Variants in KLHL3 observed in about 807,000 individuals in gnomAD.
KLHL3 encodes kelch-like protein 3.
A neutral mutation model predicts 70.5 loss-of-function variants in KLHL3; 19 were observed. That is an observed-to-expected ratio of 0.27 (90% confidence interval 0.19 to 0.40). The LOEUF (loss-of-function observed/expected upper bound fraction) is 0.40. KLHL3 is among the 10% of genes least tolerant of loss of function. The probability of loss-of-function intolerance (pLI) is 1.00; values close to 1 mark genes in which losing one functional copy is unlikely to be tolerated. For missense variants in KLHL3, 512 were observed against 771.1 expected (o/e 0.66, Z 3.98); for synonymous variants, 258 against 290.3 (o/e 0.89, Z 1.13).
chr5:137,670,073 G>A lies in KLHL3; in HGVS notation c.636+7472C>T, dbSNP rs1233311421. 3.3e-5 allele frequency among the ~76,000 whole-genome samples: 5 copies of A among 152,316 alleles called. No individual in the cohort carries two copies. The East Asian group carries it at 7.7e-4, about 24-fold the overall frequency. ...CGCCATCTCCTGTGGGCTGAGGAAC[G>A]CAGTGGCGTGGGAGGCAAGGGAGAA... On this transcript the variant is annotated intron_variant, in intron 6 of 14. Coordinates refer to ENST00000309755, the MANE Select transcript of KLHL3 (RefSeq NM_017415.3).
intron 13 of KLHL3, 64 bp downstream of exon 13, chr5:137,628,231 AGC>A: frequency 6.4e-7 from 1 of 1,573,320 alleles, no homozygotes; most frequent in Non-Finnish European, 8.7e-7. Context: ...TGCTGTTTAG[AGC>A]CAGTGTCTTC....
At chr5:137,674,585 CTG>C (rs1174158589) in intron 6 of KLHL3, among the ~76,000 whole-genome samples, 1 of 152,158 alleles carries the variant, frequency 6.6e-6, no homozygotes, top group Non-Finnish European at 1.5e-5. Flanking sequence ...TCAAAGAAAT[CTG>C]TGGGCTGCAT....
Position 137,628,311 on chromosome 5 carries a change from CA to C in KLHL3, c.1576del (p.Cys526AlafsTer10). 6.2e-7 allele frequency: 1 copy of C among 1,614,128 alleles called. No homozygotes were observed. Among genetic ancestry groups the C allele is most frequent in the Non-Finnish European group, 8.5e-7 (1 of 1,180,008 alleles). The stretch of plus-strand genomic sequence containing the variant: ...GCAGTCATTACCTGCGTTGCGCCGG[CA>C]CATGTTCATGTCTGCCACTTGCTTC... Reference protein sequence around the residue: ...TWKQVADMNMCRRNAGVCAVN... With the variant: ...TWKQVADMNMXRRNAGVCAVN... On this transcript the variant is annotated frameshift_variant, in exon 13 of 15. Coordinates refer to ENST00000309755, the MANE Select transcript of KLHL3 (RefSeq NM_017415.3). LOFTEE classifies it high-confidence loss of function.
rs551877188 is a variant in KLHL3, at chr5:137,640,738, C to CG, written c.904-762_904-761insC. 2.6e-4 allele frequency among the ~76,000 whole-genome samples: 40 copies of CG among 152,110 alleles called. No individual in the cohort carries two copies. In the East Asian group the frequency reaches 6.4e-3, roughly 24 times the overall value. On this transcript the variant is annotated intron_variant, in intron 8 of 14. Coordinates refer to ENST00000309755, the MANE Select transcript of KLHL3 (RefSeq NM_017415.3). ...GACAGAGGGTGAGGCCAGCCACCCC[C>CG]CCCAACTCCTGCTCTAGAGACAGGA...
At chr5:137,635,231 T>C (rs1750738450) in intron 11 of KLHL3, among the ~76,000 whole-genome samples, 1 of 152,238 alleles carries the variant, frequency 6.6e-6, no homozygotes, top group Non-Finnish European at 1.5e-5. Flanking sequence ...ATGTTTTTCT[T>C]CTATCATCAT....
At chr5:137,731,142 T>C (rs1443336602) in intron 1 of KLHL3, among the ~76,000 whole-genome samples, 1 of 152,196 alleles carries the variant, frequency 6.6e-6, no homozygotes, top group Non-Finnish European at 1.5e-5. Flanking sequence ...GTTCAAAACT[T>C]AGCAAGCAAA....
chr5:137,676,763 A>C (rs934305514), intron 6 of KLHL3, among the ~76,000 whole-genome samples: 2 of 152,214 alleles, frequency 1.3e-5, no homozygotes. Context: ...CTAATTTGTA[A>C]ATACTGGAGC....
Position 137,692,348 on chromosome 5 carries a change from T to C in KLHL3, c.463A>G (p.Ile155Val). The change falls in exon 5 of 15, where the codon ATC (isoleucine) becomes GTC (valine). Residue 155 changes from isoleucine (I) to valine (V), a missense_variant. Ile to Val is a conservative substitution (Grantham distance 29, BLOSUM62 3). Coordinates refer to ENST00000309755, the MANE Select transcript of KLHL3 (RefSeq NM_017415.3). ...GTGTGTACATCTGCAAATGCACGGA[T>C]GCCCAGGCAATTGGTGGGATGCAAC... ...SQLHPTNCLG[I>V]RAFADVHTCT... The C allele has an allele frequency of 6.2e-7, 1 of 1,613,890 alleles. No individual in the cohort carries two copies. Among genetic ancestry groups the C allele is most frequent in the Admixed American group, 1.7e-5 (1 of 60,016 alleles).
At chr5:137,721,175 C>A (rs1157723569) in intron 1 of KLHL3, 1 of 152,728 alleles carries the variant, frequency 6.5e-6, no homozygotes. Context: ...GAAGTAAGAG[C>A]AGAAACGAGT....
chr5:137,677,049 T>G (rs778110143), intron 6 of KLHL3, among the ~76,000 whole-genome samples: 3 of 152,142 alleles, frequency 2.0e-5, no homozygotes, highest in Non-Finnish European at 4.4e-5. Flanking sequence ...TGTTATTTCT[T>G]CTCTAAAGAG....
intron 6 of KLHL3, among the ~76,000 whole-genome samples, chr5:137,674,453 T>A (rs1029146885): frequency 6.6e-6 from 1 of 152,230 alleles, no homozygotes; most frequent in Non-Finnish European, 1.5e-5. Context: ...ACTTACAAGA[T>A]GAAAGCTGCC....
At chr5:137,622,355 C>A (rs1750334301) in intron 14 of KLHL3, among the ~76,000 whole-genome samples, 1 of 152,250 alleles carries the variant, frequency 6.6e-6, no homozygotes, top group Non-Finnish European at 1.5e-5. Flanking sequence ...TCAAACACCA[C>A]TGACTAGTGG....
At chr5:137,654,026 T>C (rs1226347761) in intron 8 of KLHL3, among the ~76,000 whole-genome samples, 2 of 152,190 alleles carry the variant, frequency 1.3e-5, no homozygotes, top group African/African-American at 4.8e-5. Context: ...TCCATTTATA[T>C]GACACTCTAG....
intron 13 of KLHL3, 42 bp downstream of exon 13, chr5:137,628,255 G>A (rs1580715331): frequency 6.2e-7 from 1 of 1,609,640 alleles, no homozygotes; most frequent in Non-Finnish European, 8.5e-7. Flanking sequence ...GGGAGAAAAG[G>A]CACACAACCC....
intron 3 of KLHL3, among the ~76,000 whole-genome samples, chr5:137,704,582 C>T (rs1752647268): frequency 6.6e-6 from 1 of 152,180 alleles, no homozygotes; most frequent in Non-Finnish European, 1.5e-5. Context: ...AGTTTATCTC[C>T]AATGGTGGTC....
At chr5:137,692,218 T>C (rs1421948812) in intron 5 of KLHL3, 67 bp downstream of exon 5, 2 of 1,396,166 alleles carry the variant, frequency 1.4e-6, no homozygotes, top group African/African-American at 1.4e-5. Context: ...CTTTGAGGAG[T>C]CTGCAGAAGA....
intron 7 of KLHL3, 105 bp from the exon 8 acceptor site, chr5:137,658,385 C>T (rs1421871163): frequency 3.8e-6 from 4 of 1,050,622 alleles, no homozygotes; most frequent in Non-Finnish European, 5.8e-6. Flanking sequence ...TCATTCATTC[C>T]TTCACCACAT....
At chr5:137,643,854 C>T (rs6859147) in intron 8 of KLHL3, among the ~76,000 whole-genome samples, 80,985 of 151,816 alleles carry the variant, frequency 0.53, 22,055 homozygotes, top group African/African-American at 0.64. Flanking sequence ...AACTGTAACA[C>T]AGTATCCATT....
At chr5:137,714,950 G>C (rs1432791394) in intron 2 of KLHL3, among the ~76,000 whole-genome samples, 1 of 152,180 alleles carries the variant, frequency 6.6e-6, no homozygotes, top group Non-Finnish European at 1.5e-5. Context: ...GTCAAAATGA[G>C]AAAAGAAAGA....
Sources: gnomAD v4.1 joint callset for allele counts (sites outside exome capture counted in the v4.1 genomes callset) on GRCh38, gnomAD v4.1.1 for gene constraint, MANE v1.5 for transcripts, NCBI Gene and HGNC (gene_info 2026-07-23, HGNC 2026-07-21) for gene names.